The following GSTA4 variants were observed in gnomAD, a reference collection of about 807,000 sequenced individuals.
GSTA4 encodes glutathione S-transferase alpha 4, also known as glutathione S-transferase A4.
In GSTA4, 15 loss-of-function variants were observed where a neutral mutation model predicts 24.4. The observed-to-expected ratio is 0.61, with a 90% confidence interval of 0.41 to 0.95. The LOEUF is 0.95. Among genes scored for constraint, GSTA4 ranks in the 40% least tolerant of loss-of-function variants. The pLI is 0.00. For missense variants in GSTA4, 244 were observed against 262.1 expected, an observed-to-expected ratio of 0.93 and a Z score of 0.48; for synonymous variants, 92 against 94.2, an observed-to-expected ratio of 0.98 and a Z score of 0.13.
chr6:52,984,638 C>A (rs779019099), intron 4 of GSTA4, 33 bp from the exon 5 acceptor site: 19 of 1,600,964 alleles, frequency 1.2e-5, no homozygotes, highest in Admixed American at 6.9e-5. Context: ...CTCAGTTTCT[C>A]CTCTCTTTGA....
Position 52,978,608 on chromosome 6 carries a change from C to G in GSTA4, c.547-16G>C, listed in dbSNP as rs1452514857. 1 of 1,587,314 alleles carries G rather than the reference C, an allele frequency of 6.3e-7. No homozygotes were observed. Among genetic ancestry groups the G allele is most frequent in the Non-Finnish European group, 8.6e-7 (1 of 1,165,942 alleles). Reference sequence around the variant, plus strand: ...CTGTGTATTCCTGAAAAAGGAAAACCAAAACTTTAAGGCTAACAAAAAAGG... The same window carrying G: ...CTGTGTATTCCTGAAAAAGGAAAACGAAAACTTTAAGGCTAACAAAAAAGG... On this transcript the variant is annotated splice_polypyrimidine_tract_variant and intron_variant, in intron 6 of 6. Coordinates refer to ENST00000370963, the MANE Select transcript of GSTA4 (RefSeq NM_001512.4).
At chr6:52,980,766 C>T (rs72931480) in intron 6 of GSTA4, among the ~76,000 whole-genome samples, 7,061 of 152,254 alleles carry the variant, frequency 0.046, 228 homozygotes, top group Non-Finnish European at 0.067. Flanking sequence ...CCCTGTGGCT[C>T]CCAACTCAGT....
At chr6:52,988,379 A>G (rs536985546) in intron 2 of GSTA4, among the ~76,000 whole-genome samples, 10 of 152,178 alleles carry the variant, frequency 6.6e-5, no homozygotes, top group Admixed American at 2.0e-4. Flanking sequence ...TCGATTTATA[A>G]TGGAGAGATC....
intron 3 of GSTA4, 133 bp downstream of exon 3, chr6:52,987,224 C>A: frequency 3.2e-6 from 2 of 634,108 alleles, no homozygotes; most frequent in Admixed American, 2.7e-5. Flanking sequence ...CTATTTATTC[C>A]CTCTTGCTTT....
intron 4 of GSTA4, among the ~76,000 whole-genome samples, chr6:52,984,892 G>A (rs1763524452): frequency 6.6e-6 from 1 of 152,064 alleles, no homozygotes; most frequent in Non-Finnish European, 1.5e-5. Flanking sequence ...TGGTCTCTTC[G>A]TATGGGTCAA....
At chr6:52,981,179 T>C (rs1435668930) in intron 6 of GSTA4, among the ~76,000 whole-genome samples, 1 of 152,254 alleles carries the variant, frequency 6.6e-6, no homozygotes, top group African/African-American at 2.4e-5. Flanking sequence ...TGAAGATTTT[T>C]ATTCTCATTT....
chr6:52,979,117 C>T (rs1212146044), intron 6 of GSTA4, among the ~76,000 whole-genome samples: 1 of 152,080 alleles, frequency 6.6e-6, no homozygotes, highest in Non-Finnish European at 1.5e-5. Flanking sequence ...AAGGGGAAAA[C>T]TCACTGAAAA....
intron 2 of GSTA4, 151 bp downstream of exon 2, chr6:52,994,006 A>G (rs1347554320): frequency 4.2e-6 from 3 of 708,518 alleles, no homozygotes; most frequent in South Asian, 3.0e-5. Flanking sequence ...ATAAAGAAAA[A>G]TCCCTTCAGG....
At chr6:52,993,282 C>T (rs1763699731) in intron 2 of GSTA4, among the ~76,000 whole-genome samples, 1 of 152,090 alleles carries the variant, frequency 6.6e-6, no homozygotes, top group Non-Finnish European at 1.5e-5. Context: ...TGAAAATATT[C>T]CCAAATATAA....
intron 5 of GSTA4, among the ~76,000 whole-genome samples, 155 bp downstream of exon 5, chr6:52,984,309 T>C (rs1435873167): frequency 6.6e-6 from 1 of 152,228 alleles, no homozygotes; most frequent in East Asian, 1.9e-4. Flanking sequence ...AGCTTTGTGC[T>C]GTGGCTACTA....
intron 2 of GSTA4, among the ~76,000 whole-genome samples, chr6:52,989,645 G>A (rs1763628465): frequency 6.6e-6 from 1 of 152,190 alleles, no homozygotes; most frequent in Non-Finnish European, 1.5e-5. Context: ...AATGCTCCCA[G>A]AGGATCTCCA....
intron 6 of GSTA4, among the ~76,000 whole-genome samples, chr6:52,980,546 C>T (rs897348786): frequency 1.3e-5 from 2 of 152,120 alleles, no homozygotes; most frequent in African/African-American, 4.8e-5. Flanking sequence ...TTAAGTGATC[C>T]ACCCACTTCA....
chr6:52,987,491 C>A, intron 2 of GSTA4, 83 bp from the exon 3 acceptor site: 2 of 734,208 alleles, frequency 2.7e-6, no homozygotes, highest in Non-Finnish European at 2.4e-6. Flanking sequence ...TCATTTTCAG[C>A]AACACCAACA....
intron 4 of GSTA4, 92 bp from the exon 5 acceptor site, chr6:52,984,697 T>TG: frequency 1.7e-6 from 2 of 1,154,958 alleles, no homozygotes; most frequent in South Asian, 2.7e-5. Flanking sequence ...TTTTTTTTTT[T>TG]TTAAAGATGC....
intron 3 of GSTA4, 99 bp downstream of exon 3, chr6:52,987,258 G>A: frequency 1.3e-6 from 1 of 762,788 alleles, no homozygotes; most frequent in Non-Finnish European, 2.3e-6. Flanking sequence ...ATACTGTTCT[G>A]AATGTTCAGT....
intron 3 of GSTA4, 33 bp from the exon 4 acceptor site, chr6:52,985,616 T>G (rs201503755): frequency 2.3e-4 from 377 of 1,609,320 alleles, no homozygotes; most frequent in Non-Finnish European, 3.1e-4. Context: ...AGAAGTGATC[T>G]TTTCTTCTCT....
chr6:52,984,739 T>C, intron 4 of GSTA4, 134 bp from the exon 5 acceptor site: 2 of 713,128 alleles, frequency 2.8e-6, no homozygotes, highest in South Asian at 3.4e-5. Context: ...CATTTACCTA[T>C]ACCTGTCTCT....
chr6:52,979,425 T>C (rs781429604), intron 6 of GSTA4, among the ~76,000 whole-genome samples: 5 of 152,218 alleles, frequency 3.3e-5, no homozygotes, highest in Non-Finnish European at 5.9e-5. Flanking sequence ...AAATAGCCAG[T>C]TGCATTTTTT....
intron 6 of GSTA4, among the ~76,000 whole-genome samples, chr6:52,979,746 C>T (rs1424187040): frequency 6.6e-6 from 1 of 152,200 alleles, no homozygotes; most frequent in African/African-American, 2.4e-5. Context: ...CACACACAAA[C>T]ATACATACGT....
Sources: gnomAD v4.1 joint callset for allele counts (sites outside exome capture counted in the v4.1 genomes callset) on GRCh38, gnomAD v4.1.1 for gene constraint, MANE v1.5 for transcripts, NCBI Gene and HGNC (gene_info 2026-07-23, HGNC 2026-07-21) for gene names.